Variants in RAB11FIP3 observed in about 807,000 individuals in gnomAD.
The protein encoded by RAB11FIP3 is RAB11 family interacting protein 3.
A neutral mutation model predicts 77.8 loss-of-function variants in RAB11FIP3; 17 were observed. The ratio of observed to expected loss-of-function variants is 0.22; its 90% CI spans 0.15 to 0.33. The LOEUF (loss-of-function observed/expected upper bound fraction) is 0.33. Among genes scored for constraint, RAB11FIP3 ranks in the 10% least tolerant of loss-of-function variants. The pLI is 1.00. For synonymous variants in RAB11FIP3, 437 were observed against 448.2 expected (o/e 0.98, Z 0.31); for missense variants, 1,005 against 1,011.2 (o/e 0.99, Z 0.08).
chr16:462,425 G>A lies in RAB11FIP3; in HGVS notation c.808+928G>A, dbSNP rs144900702. Among the ~76,000 whole-genome samples, 294 of 152,208 alleles carry A rather than the reference G, an allele frequency of 1.9e-3. 4 individuals carry two copies. Among genetic ancestry groups the A allele is most frequent in the African/African-American group, 6.3e-3 (263 of 41,530 alleles). On this transcript the variant is annotated intron_variant, in intron 2 of 13. Coordinates refer to ENST00000262305, the MANE Select transcript of RAB11FIP3 (RefSeq NM_014700.4). ...AATTTTTGTATTTTTAGTAGAGACG[G>A]GGTTTCACCATGTTGGCGGGGCTGG...
At chr16:474,494 A>G (rs1352485857) in intron 3 of RAB11FIP3, among the ~76,000 whole-genome samples, 1 of 152,016 alleles carries the variant, frequency 6.6e-6, no homozygotes, top group East Asian at 1.9e-4. Context: ...GTTCCTGGGC[A>G]TGGTGATGTC....
At chr16:442,491 G>T (rs1249634277) in intron 1 of RAB11FIP3, among the ~76,000 whole-genome samples, 2 of 152,168 alleles carry the variant, frequency 1.3e-5, no homozygotes, top group Non-Finnish European at 2.9e-5. Flanking sequence ...GAGTGTGCTG[G>T]TCTCCTTTCT....
rs889768875 is a variant in RAB11FIP3 at position 461,817 on chromosome 16, G to T, written c.808+320G>T. ...GAATGATTCCATGGCCACCCAAGTG[G>T]GTGTTCATCACCCGTGCTCTGCAGG... On this transcript the variant is annotated intron_variant, in intron 2 of 13. Coordinates refer to ENST00000262305, the MANE Select transcript of RAB11FIP3 (RefSeq NM_014700.4). This position sits in a 1 kb window ranked among gnomAD's most constrained non-coding sequence, Gnocchi z 4.5. Among the ~76,000 whole-genome samples, 34 of 152,076 alleles carry T rather than the reference G, an allele frequency of 2.2e-4. No individual in the cohort carries two copies. The highest frequency in any genetic ancestry group is 1.8e-3 in the Admixed American group (28 of 15,262).
intron 1 of RAB11FIP3, among the ~76,000 whole-genome samples, chr16:437,795 A>T (rs113517570): frequency 5.1e-4 from 78 of 152,114 alleles, no homozygotes; most frequent in African/African-American, 1.9e-3. Flanking sequence ...TTGCATTGTA[A>T]TTATTATTAT....
Position 441,688 on chromosome 16 carries a change from G to A in RAB11FIP3, c.714+14968G>A, listed in dbSNP as rs117929374. Among the ~76,000 whole-genome samples the A allele has an allele frequency of 2.7e-3, 408 of 152,234 alleles. 1 individual carries two copies. Among genetic ancestry groups the A allele is most frequent in the Non-Finnish European group, 4.4e-3 (302 of 68,018 alleles). ...CTCTGCCCCATGCTGCTCCTTTCTT[G>A]GTCATGCAGCAAACACACATTTGTG... is the stretch of plus-strand genomic sequence containing the variant. On this transcript the variant is annotated intron_variant, in intron 1 of 13. Coordinates refer to ENST00000262305, the MANE Select transcript of RAB11FIP3 (RefSeq NM_014700.4).
At chr16:434,319 C>T (rs999446830) in intron 1 of RAB11FIP3, among the ~76,000 whole-genome samples, 96 of 152,264 alleles carry the variant, frequency 6.3e-4, no homozygotes, top group African/African-American at 2.2e-3. Context: ...GGCGGGGTTT[C>T]GCCATGTTAG....
intron 6 of RAB11FIP3, among the ~76,000 whole-genome samples, chr16:498,880 C>A (rs1201927557): frequency 2.6e-5 from 4 of 152,142 alleles, no homozygotes; most frequent in Non-Finnish European, 5.9e-5. Flanking sequence ...CATCATGCAT[C>A]TTTTTCTAAC....
chr16:443,786 G>C (rs531783385), intron 1 of RAB11FIP3, among the ~76,000 whole-genome samples: 1 of 152,196 alleles, frequency 6.6e-6, no homozygotes, highest in Non-Finnish European at 1.5e-5. Context: ...GGATGATCTA[G>C]ATCTCCTGAC....
intron 5 of RAB11FIP3, among the ~76,000 whole-genome samples, chr16:492,360 T>TCCCGGGGGACCCGAGGCCGCCCAGAGCC: frequency 7.8e-5 from 2 of 25,628 alleles, no homozygotes; most frequent in Non-Finnish European, 1.5e-4. Context: ...TTGAAGAGGG[T>TCCCGGGGGACCCGAGGCCGCCCAGAGCC]CTTCCCGGGA....
intron 1 of RAB11FIP3, among the ~76,000 whole-genome samples, chr16:435,190 G>A (rs2055108362): frequency 6.7e-6 from 1 of 148,778 alleles, no homozygotes; most frequent in East Asian, 2.0e-4. Context: ...GGGCGACAGA[G>A]CGAGACTCCG....
intron 2 of RAB11FIP3, among the ~76,000 whole-genome samples, chr16:462,808 C>T (rs892623575): frequency 1.7e-4 from 23 of 133,730 alleles, no homozygotes; most frequent in Non-Finnish European, 3.2e-4. Flanking sequence ...TCCCCAGCAC[C>T]GTCCCTTCCC....
At position 436,438 on chromosome 16, in the gene RAB11FIP3, G is replaced by A. The variant is rs560298224; in HGVS notation, c.714+9718G>A. ...GATTCTCCCACCTCAGCCTCCAGGG[G>A]CATGCCCCCACACCCAGCCAATGTT... On this transcript the variant is annotated intron_variant, in intron 1 of 13. Coordinates refer to ENST00000262305, the MANE Select transcript of RAB11FIP3 (RefSeq NM_014700.4). 5.3e-5 allele frequency among the ~76,000 whole-genome samples: 8 copies of A among 152,214 alleles called. 1 individual carries two copies. Among genetic ancestry groups the A allele is most frequent in the South Asian group, 4.1e-4 (2 of 4,820 alleles).
In RAB11FIP3 at chr16:520,266, A is replaced by G; in HGVS notation, c.2005A>G (p.Arg669Gly). The G allele has an allele frequency of 6.5e-7, 1 of 1,545,620 alleles. No homozygotes were observed. Among genetic ancestry groups the G allele is most frequent in the Non-Finnish European group, 8.7e-7 (1 of 1,147,452 alleles). Residue 669 changes from arginine (R) to glycine (G), a missense_variant, in exon 12 of 14, where the codon AGG becomes GGG. Arg to Gly is a moderately radical substitution (Grantham distance 125). Transcript: ENST00000262305. ...GAGCGAGCTGGAGCAGGAGGTCCGC[A>G]GGCTGAAGCAGGTGGGCAGGCCTGG... ...RESELEQEVR[R>G]LKQDNRNLKE...
chr16:515,421 C>T (rs922676493), intron 9 of RAB11FIP3, among the ~76,000 whole-genome samples: 6 of 152,290 alleles, frequency 3.9e-5, no homozygotes, highest in Non-Finnish European at 7.4e-5. Context: ...ACACTCCTAA[C>T]GCAAACAACA....
chr16:455,655 A>G (rs2141628120), intron 1 of RAB11FIP3, among the ~76,000 whole-genome samples: 1 of 152,072 alleles, frequency 6.6e-6, no homozygotes, highest in African/African-American at 2.4e-5. Context: ...GAATGCAGTG[A>G]CGCAATCATG....
intron 2 of RAB11FIP3, among the ~76,000 whole-genome samples, chr16:466,446 G>A (rs546534396): frequency 6.6e-6 from 1 of 152,266 alleles, no homozygotes; most frequent in South Asian, 2.1e-4. Flanking sequence ...TCAGCTCTAG[G>A]GGTTCCTGGG....
At position 492,524 on chromosome 16, in the gene RAB11FIP3, A is replaced by G. The variant is rs553584191; in HGVS notation, c.1265+3524A>G. ...CGAGGCCGCCCAGGGCCCTCCCGGGAGACCCGAGGCCGTCCAGAATCTTGG... is the reference window on the plus strand; with the variant it reads ...CGAGGCCGCCCAGGGCCCTCCCGGGGGACCCGAGGCCGTCCAGAATCTTGG... On this transcript the variant is annotated intron_variant, in intron 5 of 13. Coordinates refer to ENST00000262305, the MANE Select transcript of RAB11FIP3 (RefSeq NM_014700.4). Among the ~76,000 whole-genome samples the G allele has an allele frequency of 2.1e-3, 292 of 138,086 alleles. 5 individuals are homozygous for G. The highest frequency in any genetic ancestry group is 7.2e-3 in the African/African-American group (266 of 36,742). The allele number at this position is 138,086 out of a possible 152,430, so 90.6% of individuals were successfully genotyped here.
At chr16:503,604 A>G (rs1321164317) in intron 7 of RAB11FIP3, among the ~76,000 whole-genome samples, 1 of 152,058 alleles carries the variant, frequency 6.6e-6, no homozygotes. Flanking sequence ...TTTCAGCCAG[A>G]TGTGGTGGCT....
In RAB11FIP3 at chr16:471,214, C is replaced by T. The variant is rs2055802077; in HGVS notation, c.809-81C>T. 8.0e-7 allele frequency: 1 copy of T among 1,253,628 alleles called. No individual in the cohort carries two copies. Among genetic ancestry groups the T allele is most frequent in the Non-Finnish European group, 1.2e-6 (1 of 868,650 alleles). 77.7% of individuals were successfully genotyped at this position (1,253,628 alleles called of 1,614,324 possible). The stretch of plus-strand genomic sequence containing the variant: ...CATCTGTCCCTGGGGGCCTCCTTCC[C>T]AGGGAGTCCCGAGGCCGCCAGGGGT... On this transcript the variant is annotated intron_variant, in intron 2 of 13. Transcript: ENST00000262305. This position sits in a 1 kb window ranked among gnomAD's most constrained non-coding sequence, Gnocchi z 4.4.
Sources: allele counts gnomAD v4.1 joint callset (sites outside exome capture counted in the v4.1 genomes callset), GRCh38; gene constraint gnomAD v4.1.1; non-coding constraint Gnocchi (gnomAD v3.1); transcripts MANE v1.5; gene names NCBI Gene and HGNC (gene_info 2026-07-23, HGNC 2026-07-21).